The following BPIFC variants were observed in gnomAD, a reference collection of about 807,000 sequenced individuals.
The protein encoded by BPIFC is BPI fold containing family C, also known as BPI fold-containing family C protein.
A neutral mutation model predicts 57.6 loss-of-function variants in BPIFC; 60 were observed. That is an observed-to-expected ratio of 1.04 (90% CI 0.85 to 1.29). The LOEUF (loss-of-function observed/expected upper bound fraction) is 1.29. BPIFC is among the 50% of genes most tolerant of loss of function. The pLI is 0.00. For synonymous variants in BPIFC, 243 were observed against 224.5 expected (o/e 1.08, Z -0.74); for missense variants, 581 against 600.5 (o/e 0.97, Z 0.34).
At chr22:32,420,730 A>C (rs1188862557) in intron 13 of BPIFC, among the ~76,000 whole-genome samples, 1 of 152,206 alleles carries the variant, frequency 6.6e-6, no homozygotes, top group African/African-American at 2.4e-5. Context: ...AACACAAATA[A>C]ATGACAAATG....
intron 9 of BPIFC, 32 bp downstream of exon 9, chr22:32,437,728 C>G: frequency 2.7e-6 from 4 of 1,471,438 alleles, no homozygotes; most frequent in Non-Finnish European, 3.8e-6. Flanking sequence ...TGTTGACAGC[C>G]AGGCTGAGGA....
intron 13 of BPIFC, among the ~76,000 whole-genome samples, chr22:32,426,833 A>G (rs5994568): frequency 0.15 from 22,948 of 151,354 alleles, 1,932 homozygotes; most frequent in Non-Finnish European, 0.19. Context: ...CAGAAGCTCC[A>G]GTGAACCAAG....
chr22:32,463,573 C>G (rs1265621652), intron 1 of BPIFC, among the ~76,000 whole-genome samples: 1 of 152,124 alleles, frequency 6.6e-6, no homozygotes, highest in Non-Finnish European at 1.5e-5. Flanking sequence ...TTGACTGACT[C>G]TGGAAAAACC....
intron 2 of BPIFC, among the ~76,000 whole-genome samples, chr22:32,460,601 C>T (rs751567858): frequency 8.5e-5 from 13 of 152,178 alleles, no homozygotes; most frequent in Non-Finnish European, 1.5e-4. Flanking sequence ...ACACATGCCA[C>T]GTTTTCTGCC....
chr22:32,438,169 C>G (rs1319414993), intron 8 of BPIFC, among the ~76,000 whole-genome samples: 1 of 152,148 alleles, frequency 6.6e-6, no homozygotes, highest in Non-Finnish European at 1.5e-5. Flanking sequence ...ACAGTACCAA[C>G]CCCTACATAC....
chr22:32,439,812 AC>A (rs1450457866), intron 8 of BPIFC, among the ~76,000 whole-genome samples: 1 of 151,884 alleles, frequency 6.6e-6, no homozygotes. Context: ...ACAGCATTTC[AC>A]CCTGTTGGCC....
chr22:32,450,034 G>T (rs1032858531), intron 4 of BPIFC, among the ~76,000 whole-genome samples: 3 of 151,520 alleles, frequency 2.0e-5, no homozygotes, highest in African/African-American at 7.3e-5. Flanking sequence ...ACGCCCAGCC[G>T]TGTACATGTA....
chr22:32,417,352 A>AT (rs952470856), intron 14 of BPIFC, among the ~76,000 whole-genome samples: 1 of 151,624 alleles, frequency 6.6e-6, no homozygotes, highest in African/African-American at 2.4e-5. Flanking sequence ...AGTTAAAAAA[A>AT]TTTTTTTTAG....
At chr22:32,426,288 A>G (rs1177583607) in intron 13 of BPIFC, among the ~76,000 whole-genome samples, 1 of 152,044 alleles carries the variant, frequency 6.6e-6, no homozygotes, top group Non-Finnish European at 1.5e-5. Context: ...ATCACCCAAG[A>G]CCAAACCAGC....
intron 4 of BPIFC, among the ~76,000 whole-genome samples, chr22:32,449,095 TA>T (rs1568957052): frequency 6.6e-6 from 1 of 151,994 alleles, no homozygotes; most frequent in African/African-American, 2.4e-5. Flanking sequence ...GATAAGAAGA[TA>T]AAAAAAGTGG....
rs570170699 is a variant in BPIFC at position 32,416,137 on chromosome 22, T to C, written c.1325-146A>G. 8.1e-5 allele frequency: 43 copies of C among 528,764 alleles called. No homozygotes were observed. In the African/African-American group the frequency reaches 8.6e-4, roughly 11 times the overall value. The allele number at this position is 528,764 out of a possible 1,614,324, so 32.8% of individuals were successfully genotyped here. Reference sequence around the variant, plus strand: ...TCTTGTTGCCCAGGCTGGAATGTAATGGTGTGATCTTGGCTCACTGCAACC... The same window carrying C: ...TCTTGTTGCCCAGGCTGGAATGTAACGGTGTGATCTTGGCTCACTGCAACC... On this transcript the variant is annotated intron_variant, in intron 15 of 16. Transcript: ENST00000300399.
At chr22:32,432,863 G>T (rs1300783720) in intron 11 of BPIFC, among the ~76,000 whole-genome samples, 4 of 152,136 alleles carry the variant, frequency 2.6e-5, no homozygotes, top group Admixed American at 6.6e-5. Context: ...GAGGTTAAAT[G>T]ATGTTCTCAA....
At chr22:32,444,675 T>C (rs575803722) in intron 7 of BPIFC, among the ~76,000 whole-genome samples, 2 of 152,342 alleles carry the variant, frequency 1.3e-5, no homozygotes, top group East Asian at 3.9e-4. Context: ...TATTCTATTT[T>C]CTTAACTTAT....
intron 13 of BPIFC, among the ~76,000 whole-genome samples, chr22:32,424,753 CTCTTCTTCTTCTTCTTCT>C (rs1556036707): frequency 0.015 from 547 of 35,464 alleles, 77 homozygotes; most frequent in African/African-American, 0.11. Flanking sequence ...CTTCTTCTTC[CTCTTCTTCTTCTTCTTCT>C]TCTTCTTCTT....
chr22:32,433,646 A>C, intron 11 of BPIFC, 73 bp downstream of exon 11: 1 of 1,352,040 alleles, frequency 7.4e-7, no homozygotes, highest in Non-Finnish European at 1.1e-6. Flanking sequence ...GAATACGTAG[A>C]ACCCACAAGT....
At chr22:32,435,016 C>G (rs1410557194) in intron 10 of BPIFC, among the ~76,000 whole-genome samples, 2 of 152,270 alleles carry the variant, frequency 1.3e-5, no homozygotes, top group Non-Finnish European at 2.9e-5. Flanking sequence ...TGATAAGCAA[C>G]AGTTATATCG....
intron 4 of BPIFC, among the ~76,000 whole-genome samples, chr22:32,451,042 T>A (rs1259300728): frequency 6.6e-6 from 1 of 152,210 alleles, no homozygotes; most frequent in African/African-American, 2.4e-5. Flanking sequence ...ATTTCCTCAG[T>A]TGTACTAGCT....
intron 13 of BPIFC, among the ~76,000 whole-genome samples, chr22:32,420,102 G>A (rs1183019257): frequency 6.6e-6 from 1 of 152,090 alleles, no homozygotes; most frequent in African/African-American, 2.4e-5. Context: ...CGGATCATGA[G>A]GTCAGGAGAT....
At chr22:32,414,799 G>A (rs569549003) in intron 16 of BPIFC, among the ~76,000 whole-genome samples, 1 of 152,250 alleles carries the variant, frequency 6.6e-6, no homozygotes, top group Non-Finnish European at 1.5e-5. Flanking sequence ...ATGCCCAGCT[G>A]AGAGATGGTT....
Sources: allele counts gnomAD v4.1 joint callset (sites outside exome capture counted in the v4.1 genomes callset), GRCh38; gene constraint gnomAD v4.1.1; transcripts MANE v1.5; gene names NCBI Gene and HGNC (gene_info 2026-07-23, HGNC 2026-07-21).